Variants in NUP155 observed in about 807,000 individuals in gnomAD.
NUP155 encodes nucleoporin 155.
In NUP155, 71 loss-of-function variants were observed where a neutral mutation model predicts 180.4. The ratio of observed to expected loss-of-function variants is 0.39; its 90% confidence interval spans 0.33 to 0.48. The LOEUF (loss-of-function observed/expected upper bound fraction) is 0.48. NUP155 is among the 20% of genes least tolerant of loss of function. NUP155 has a pLI of 0.91. For missense variants in NUP155, 1,553 were observed against 1,648.9 expected (o/e 0.94, Z 1.01); for synonymous variants, 582 against 559.5 (o/e 1.04, Z -0.57).
rs188354217 is a variant in NUP155, at chr5:37,309,302, T to C, written c.2629-35A>G. 561 of 1,577,840 alleles carry C rather than the reference T, an allele frequency of 3.6e-4. 4 individuals carry two copies. The highest frequency in any genetic ancestry group is 6.8e-5 in the Non-Finnish European group (79 of 1,154,328). On this transcript the variant is annotated intron_variant, in intron 23 of 34. Coordinates refer to ENST00000231498, the MANE Select transcript of NUP155 (RefSeq NM_153485.3). Reference sequence around the variant, plus strand: ...GAGATAACAAGAACTTAAAAATATATAAAATCAAGCAGACAGATGATGCTG... The same window carrying C: ...GAGATAACAAGAACTTAAAAATATACAAAATCAAGCAGACAGATGATGCTG...
At chr5:37,356,451 T>C (rs1746837433) in intron 4 of NUP155, among the ~76,000 whole-genome samples, 1 of 151,944 alleles carries the variant, frequency 6.6e-6, no homozygotes, top group South Asian at 2.1e-4. Flanking sequence ...GAAACCAGCA[T>C]GGCCAACATG....
In NUP155 at chr5:37,362,121, G is replaced by A. The variant is rs1420493137; in HGVS notation, c.392+1767C>T. On this transcript the variant is annotated intron_variant, in intron 3 of 34. Transcript: ENST00000231498. ...CTATGGTATTCTGTTTTAGCAGCTC[G>A]GACTAAGACACACAGTAAGGTAGGA... is the stretch of plus-strand genomic sequence containing the variant. Among the ~76,000 whole-genome samples the A allele has an allele frequency of 3.9e-5, 6 of 152,028 alleles. 1 individual carries two copies. Among genetic ancestry groups the A allele is most frequent in the South Asian group, 2.1e-4 (1 of 4,828 alleles).
chr5:37,351,083 C>T lies in NUP155; in HGVS notation c.723+107G>A, dbSNP rs1746426692. 3 of 910,600 alleles carry T rather than the reference C, an allele frequency of 3.3e-6. No homozygotes were observed. In the South Asian group the frequency reaches 4.6e-5, roughly 14 times the overall value. 56.4% of individuals were successfully genotyped at this position (910,600 alleles called of 1,614,324 possible). A position where few individuals can be genotyped will look rare whatever the true frequency, so the allele number is the denominator to read the frequency against. On this transcript the variant is annotated intron_variant, in intron 6 of 34. Transcript: ENST00000231498. The stretch of plus-strand genomic sequence containing the variant: ...TTCAACTGTATGCTTGAATATTTAC[C>T]ATAAAAATATATTAATGTCCTTATA...
intron 21 of NUP155, among the ~76,000 whole-genome samples, chr5:37,315,770 C>G (rs1307187039): frequency 6.6e-6 from 1 of 151,990 alleles, no homozygotes; most frequent in African/African-American, 2.4e-5. Flanking sequence ...TGGTGAAACC[C>G]CAACTATACT....
In NUP155 at chr5:37,288,187, GA is replaced by G. The variant is rs1411830558; in HGVS notation, c.*3712del. ...GAGAATTTAAAAGAAGACATTAATA[GA>G]AAATGAAAAGAAATTGTGAACCCTT... On this transcript the variant is annotated 3_prime_UTR_variant, in exon 35 of 35. Coordinates refer to ENST00000231498, the MANE Select transcript of NUP155 (RefSeq NM_153485.3). 6.6e-6 allele frequency: 1 copy of G among 152,110 alleles called. No homozygotes were observed. Among genetic ancestry groups the G allele is most frequent in the Non-Finnish European group, 1.5e-5 (1 of 67,994 alleles). The allele number at this position is 152,110 out of a possible 1,614,324, so 9.4% of individuals were successfully genotyped here. A position where few individuals can be genotyped will look rare whatever the true frequency, so the allele number is the denominator to read the frequency against.
intron 12 of NUP155, among the ~76,000 whole-genome samples, chr5:37,337,596 G>A (rs1384059963): frequency 6.6e-6 from 1 of 152,004 alleles, no homozygotes; most frequent in African/African-American, 2.4e-5. Context: ...ATTCCGTAAG[G>A]GTCCAATGTT....
intron 3 of NUP155, among the ~76,000 whole-genome samples, chr5:37,362,933 G>A (rs538909452): frequency 6.6e-6 from 1 of 152,098 alleles, no homozygotes; most frequent in Non-Finnish European, 1.5e-5. Flanking sequence ...TTGTTTCTGA[G>A]ATGGAGTCTC....
At chr5:37,341,503 A>AG (rs1027632001) in intron 10 of NUP155, among the ~76,000 whole-genome samples, 1 of 152,174 alleles carries the variant, frequency 6.6e-6, no homozygotes, top group African/African-American at 2.4e-5. Flanking sequence ...CTGAGACTAC[A>AG]GGCATGTGCC....
chr5:37,367,211 A>T (rs1267563206), intron 1 of NUP155, among the ~76,000 whole-genome samples: 1 of 148,642 alleles, frequency 6.7e-6, no homozygotes, highest in African/African-American at 2.5e-5. Context: ...TGCCTAGCTA[A>T]TTTTTTTTTT....
At chr5:37,307,688 T>C (rs1041353768) in intron 24 of NUP155, among the ~76,000 whole-genome samples, 2 of 152,068 alleles carry the variant, frequency 1.3e-5, no homozygotes, top group Non-Finnish European at 1.5e-5. Flanking sequence ...TTTGGGAGGC[T>C]GAGAGGGGGC....
intron 13 of NUP155, among the ~76,000 whole-genome samples, chr5:37,332,964 T>C (rs1176604731): frequency 2.0e-5 from 3 of 149,418 alleles, no homozygotes; most frequent in Non-Finnish European, 3.0e-5. Flanking sequence ...TAAAATAAAA[T>C]AAAATAAATA....
chr5:37,327,503 T>C (rs1471589858), intron 18 of NUP155, 126 bp downstream of exon 18: 1 of 963,628 alleles, frequency 1.0e-6, no homozygotes, highest in Non-Finnish European at 1.6e-6. Flanking sequence ...GTTTTATTGA[T>C]CAACAAGTGA....
At chr5:37,313,506 A>G (rs927349040) in intron 22 of NUP155, among the ~76,000 whole-genome samples, 1 of 140,582 alleles carries the variant, frequency 7.1e-6, no homozygotes, top group African/African-American at 2.7e-5. Context: ...TGTGTGTGTG[A>G]GAGAGACAGA....
chr5:37,311,669 T>C (rs2150949937), intron 22 of NUP155, among the ~76,000 whole-genome samples: 1 of 152,204 alleles, frequency 6.6e-6, no homozygotes, highest in African/African-American at 2.4e-5. Flanking sequence ...AAGAATTTTT[T>C]TTTTTTTTTT....
At chr5:37,346,373 TAA>T (rs1746085629) in intron 9 of NUP155, among the ~76,000 whole-genome samples, 1 of 152,110 alleles carries the variant, frequency 6.6e-6, no homozygotes, top group African/African-American at 2.4e-5. Flanking sequence ...GCCTTCATTA[TAA>T]AAAGAGTGTT....
chr5:37,321,723 G>A lies in NUP155; in HGVS notation c.2207+2269C>T, dbSNP rs530123912. On this transcript the variant is annotated intron_variant, in intron 20 of 34. Coordinates refer to ENST00000231498, the MANE Select transcript of NUP155 (RefSeq NM_153485.3). ...CAGAGCAAGACTCTGCCTCGGCAGG[G>A]GCAGGGGAATATATATATATATGTA... Among the ~76,000 whole-genome samples the A allele has an allele frequency of 9.2e-5, 14 of 152,018 alleles. No individual in the cohort carries two copies. The South Asian group carries it at 2.5e-3, about 27-fold the overall frequency.
Position 37,312,355 on chromosome 5 carries a change from C to T in NUP155, c.2437-1612G>A, listed in dbSNP as rs1033787287. ...AATGCAGGAGATAGAGGAAGAAGCT[C>T]GCTACAAAGAGGATTAAAAAAAAAA... On this transcript the variant is annotated intron_variant, in intron 22 of 34. Transcript: ENST00000231498. Among the ~76,000 whole-genome samples the T allele has an allele frequency of 4.1e-5, 6 of 147,268 alleles. No homozygotes were observed. The South Asian group carries it at 9.0e-4, about 22-fold the overall frequency.
At chr5:37,292,160 G>T in intron 34 of NUP155, 122 bp from the exon 35 acceptor site, 5 of 874,044 alleles carry the variant, frequency 5.7e-6, no homozygotes, top group South Asian at 3.1e-5. Flanking sequence ...ATGTGATTAA[G>T]TAAATAAGAA....
At chr5:37,308,749 G>A (rs776626574) in intron 24 of NUP155, among the ~76,000 whole-genome samples, 13 of 150,556 alleles carry the variant, frequency 8.6e-5, no homozygotes, top group African/African-American at 2.4e-4. Context: ...GCGTGGTGGC[G>A]TGCGCCTGTA....
Sources: gnomAD v4.1 joint callset for allele counts (sites outside exome capture counted in the v4.1 genomes callset) on GRCh38, gnomAD v4.1.1 for gene constraint, MANE v1.5 for transcripts, NCBI Gene and HGNC (gene_info 2026-07-23, HGNC 2026-07-21) for gene names.